Variants in SLC4A5 observed in about 807,000 individuals in gnomAD.
The protein encoded by SLC4A5 is solute carrier family 4 member 5.
SLC4A5 carries 96 observed loss-of-function variants against 120.4 expected under a neutral mutation model. That is an observed-to-expected ratio of 0.80 (90% CI 0.68 to 0.94). The LOEUF (loss-of-function observed/expected upper bound fraction) is 0.94, where lower values mean the gene tolerates loss of function less well. Ranked by LOEUF, SLC4A5 falls within the 40% of genes least tolerant of loss-of-function variation. The probability of loss-of-function intolerance (pLI) is 0.00; values close to 1 mark genes in which losing one functional copy is unlikely to be tolerated. For synonymous variants in SLC4A5, 550 were observed against 571.1 expected (o/e 0.96, Z 0.53); for missense variants, 1,259 against 1,459.5 (o/e 0.86, Z 2.24).
intron 25 of SLC4A5, 36 bp downstream of exon 25, chr2:74,231,200 G>A (rs1274069190): frequency 5.0e-6 from 8 of 1,586,886 alleles, no homozygotes; most frequent in Non-Finnish European, 6.9e-6. Flanking sequence ...TGCTTTCTCA[G>A]GCAACGAGGC....
chr2:74,227,236 C>T, intron 26 of SLC4A5, 106 bp from the exon 27 acceptor site: 2 of 1,315,456 alleles, frequency 1.5e-6, no homozygotes, highest in South Asian at 2.9e-5. Context: ...GAGGGGAAGC[C>T]CCCTGCTCAG....
At chr2:74,308,832 T>C (rs1357205464) in intron 6 of SLC4A5, among the ~76,000 whole-genome samples, 3 of 152,104 alleles carry the variant, frequency 2.0e-5, no homozygotes, top group Admixed American at 6.5e-5. Flanking sequence ...TGTTATCTTC[T>C]AGAAGTTTTG....
At chr2:74,289,497 T>C (rs1382997486) in intron 7 of SLC4A5, among the ~76,000 whole-genome samples, 1 of 152,036 alleles carries the variant, frequency 6.6e-6, no homozygotes, top group African/African-American at 2.4e-5. Flanking sequence ...TTGTATTTTC[T>C]GTAGAGACGA....
At chr2:74,225,489 A>C (rs549864020) in intron 27 of SLC4A5, among the ~76,000 whole-genome samples, 1 of 152,296 alleles carries the variant, frequency 6.6e-6, no homozygotes, top group South Asian at 2.1e-4. Flanking sequence ...CCAGCTGCTC[A>C]GGAGACTGAG....
intron 7 of SLC4A5, among the ~76,000 whole-genome samples, chr2:74,287,226 T>G (rs1042332757): frequency 1.3e-5 from 2 of 152,118 alleles, no homozygotes; most frequent in Non-Finnish European, 2.9e-5. Context: ...CCCCTTGACT[T>G]CCCAATCAAA....
intron 14 of SLC4A5, 54 bp downstream of exon 14, chr2:74,254,565 G>T: frequency 7.2e-7 from 1 of 1,390,098 alleles, no homozygotes; most frequent in Non-Finnish European, 1.0e-6. Flanking sequence ...AAGGTGCAGT[G>T]CTTGGTGCAG....
chr2:74,234,805 G>T (rs1448938734), intron 22 of SLC4A5, among the ~76,000 whole-genome samples: 1 of 152,192 alleles, frequency 6.6e-6, no homozygotes, highest in East Asian at 1.9e-4. Context: ...AGAGGTCAGG[G>T]AACTGGAGAC....
chr2:74,338,941 C>T (rs909851453), intron 2 of SLC4A5, 38 bp from the exon 3 acceptor site: 3 of 152,234 alleles, frequency 2.0e-5, no homozygotes, highest in Non-Finnish European at 2.9e-5. Flanking sequence ...GGGACAGTTA[C>T]TCACCTCCCT....
Position 74,221,169 on chromosome 2 carries a change from T to C in SLC4A5, c.*33+265A>G, listed in dbSNP as rs191825074. ...CAACGTTTACTTTCAATTTTTGTTC[T>C]ACCTAATCTTTTATAAGAATTTCCT... On this transcript the variant is annotated intron_variant, in intron 30 of 30. Coordinates refer to ENST00000394019, the Ensembl canonical transcript of SLC4A5. Among the ~76,000 whole-genome samples the C allele has an allele frequency of 4.2e-3, 634 of 152,334 alleles. 1 individual carries two copies. The highest frequency in any genetic ancestry group is 7.3e-3 in the South Asian group (35 of 4,826).
At position 74,318,874 on chromosome 2, in the gene SLC4A5, T is replaced by C. The variant is rs116623061; in HGVS notation, c.-2-3849A>G. Among the ~76,000 whole-genome samples the C allele has an allele frequency of 3.5e-3, 529 of 152,084 alleles. 7 individuals carry two copies. Among genetic ancestry groups the C allele is most frequent in the African/African-American group, 0.011 (463 of 41,480 alleles). ...CTGGTATATGCCCAAAGGAAAAGAA[T>C]CATTATATTAAAAAAGATACCAGCA... On this transcript the variant is annotated intron_variant, in intron 5 of 30. Coordinates refer to ENST00000394019, the Ensembl canonical transcript of SLC4A5.
At chr2:74,232,126 AG>A (rs959305770) in intron 24 of SLC4A5, among the ~76,000 whole-genome samples, 1 of 152,172 alleles carries the variant, frequency 6.6e-6, no homozygotes, top group African/African-American at 2.4e-5. Context: ...TCAGGGCAGT[AG>A]GGGCCTGGAG....
chr2:74,307,146 G>T, intron 6 of SLC4A5: 1 of 558,962 alleles, frequency 1.8e-6, no homozygotes, highest in Admixed American at 2.2e-5. Context: ...CATCTCAGCA[G>T]CTCCAACCTT....
At chr2:74,289,914 T>C (rs1430342789) in intron 7 of SLC4A5, among the ~76,000 whole-genome samples, 1 of 152,220 alleles carries the variant, frequency 6.6e-6, no homozygotes, top group Non-Finnish European at 1.5e-5. Flanking sequence ...GATTATGTTA[T>C]TCACCAGTTG....
exon 16 of SLC4A5, chr2:74,252,313 T>C: frequency 6.2e-7 from 1 of 1,612,956 alleles, no homozygotes; most frequent in East Asian, 2.2e-5. Flanking sequence ...CTCCATTGCC[T>C]CCTCCAGGAG....
At chr2:74,315,447 G>GA (rs57640033) in intron 5 of SLC4A5, among the ~76,000 whole-genome samples, 97 of 83,150 alleles carry the variant, frequency 1.2e-3, no homozygotes, top group South Asian at 2.3e-3. Flanking sequence ...CTTACGAAAA[G>GA]AAAAAAAAAA....
intron 25 of SLC4A5, among the ~76,000 whole-genome samples, chr2:74,230,533 G>T (rs1386629365): frequency 1.3e-5 from 2 of 152,134 alleles, no homozygotes; most frequent in Non-Finnish European, 2.9e-5. Context: ...GTACCACCAT[G>T]TTTGGCCTCC....
intron 6 of SLC4A5, chr2:74,306,776 C>A: frequency 1.1e-6 from 1 of 894,116 alleles, no homozygotes; most frequent in Non-Finnish European, 1.7e-6. Flanking sequence ...CTTTGCCATC[C>A]ACTATCCAGT....
intron 8 of SLC4A5, among the ~76,000 whole-genome samples, chr2:74,276,180 A>T (rs1671633260): frequency 6.6e-6 from 1 of 152,146 alleles, no homozygotes; most frequent in African/African-American, 2.4e-5. Context: ...GAGCGGGGAG[A>T]GGAGGGGAAA....
At position 74,252,107 on chromosome 2, in the gene SLC4A5, G is replaced by T. The variant is rs1670809198; in HGVS notation, c.1478+72C>A. 2.6e-6 allele frequency: 4 copies of T among 1,519,496 alleles called. No homozygotes were observed. The Admixed American group carries it at 6.9e-5, about 26-fold the overall frequency. 94.1% of individuals were successfully genotyped at this position (1,519,496 alleles called of 1,614,324 possible). On this transcript the variant is annotated intron_variant, in intron 16 of 30. Transcript: ENST00000394019. Reference sequence around the variant, plus strand: ...GCACTACAGACCATGGTTGGGAAAAGTCCCTAGAGGGCAGCTGAGAAGGGA... The same window carrying T: ...GCACTACAGACCATGGTTGGGAAAATTCCCTAGAGGGCAGCTGAGAAGGGA...
Sources: gnomAD v4.1 joint callset for allele counts (sites outside exome capture counted in the v4.1 genomes callset) on GRCh38, gnomAD v4.1.1 for gene constraint, MANE v1.5 for transcripts, NCBI Gene and HGNC (gene_info 2026-07-23, HGNC 2026-07-21) for gene names.